SCAPER: variants seen among roughly 807,000 people sequenced by gnomAD.
The protein encoded by SCAPER is S phase cyclin A-associated protein in the endoplasmic reticulum.
In SCAPER, 98 loss-of-function variants were observed where a neutral mutation model predicts 182.2. The ratio of observed to expected loss-of-function variants is 0.54; its 90% CI spans 0.46 to 0.64. The LOEUF (loss-of-function observed/expected upper bound fraction) is 0.64. Ranked by LOEUF, SCAPER falls within the 30% of genes least tolerant of loss-of-function variation. The pLI, the probability that SCAPER is intolerant of heterozygous loss-of-function variation, is 0.00. For synonymous variants in SCAPER, 605 were observed against 564.6 expected, an observed-to-expected ratio of 1.07 and a Z score of -1.01; for missense variants, 1,432 against 1,690.0, an observed-to-expected ratio of 0.85 and a Z score of 2.68.
chr15:76,865,939 C>G (rs1301358944), intron 2 of SCAPER, among the ~76,000 whole-genome samples: 1 of 152,136 alleles, frequency 6.6e-6, no homozygotes, highest in African/African-American at 2.4e-5. Flanking sequence ...TGATCACTGT[C>G]CAAACCCCAT....
chr15:76,795,081 T>C (rs981964834), intron 8 of SCAPER, among the ~76,000 whole-genome samples, 199 bp downstream of exon 8: 1 of 152,216 alleles, frequency 6.6e-6, no homozygotes, highest in Non-Finnish European at 1.5e-5. Flanking sequence ...AACCTGAAAC[T>C]AGAATGATCT....
intron 23 of SCAPER, among the ~76,000 whole-genome samples, chr15:76,512,194 T>C (rs927728039): frequency 2.0e-5 from 3 of 151,838 alleles, no homozygotes; most frequent in Admixed American, 6.6e-5. Flanking sequence ...GGCCCCATTA[T>C]ACATGGTTTT....
chr15:76,795,438 C>T lies in SCAPER; in HGVS notation c.614G>A (p.Gly205Asp), dbSNP rs2065257942. The change falls in exon 8 of 32, where the codon GGT becomes GAT. Residue 205 changes from glycine to aspartate, a missense_variant and splice_region_variant. Transcript: ENST00000563290. ...SNARRSLNFG[G>D]STGTVPAPRL... ...AGGAGCTGGCACTGTGCCAGTTGAACCTCTATGGAGAAAAATAAACACATT... is the reference window on the plus strand; with the variant it reads ...AGGAGCTGGCACTGTGCCAGTTGAATCTCTATGGAGAAAAATAAACACATT... 1.3e-6 allele frequency: 2 copies of T among 1,564,440 alleles called. No individual in the cohort carries two copies. The highest frequency in any genetic ancestry group is 4.6e-5 in the East Asian group (2 of 43,796).
chr15:76,735,100 C>T (rs556137750), intron 15 of SCAPER, among the ~76,000 whole-genome samples: 230 of 151,996 alleles, frequency 1.5e-3, no homozygotes, highest in Middle Eastern at 3.4e-3. Context: ...AATCCCAGCA[C>T]GTTAGGAGGG....
At chr15:76,728,533 T>G (rs1355640876) in intron 17 of SCAPER, 62 bp downstream of exon 17, 1 of 1,605,022 alleles carries the variant, frequency 6.2e-7, no homozygotes, top group East Asian at 2.2e-5. Context: ...TAAATGGCTT[T>G]AAGACCTCAA....
intron 23 of SCAPER, among the ~76,000 whole-genome samples, chr15:76,529,437 T>C (rs961217395): frequency 1.3e-5 from 2 of 152,220 alleles, no homozygotes; most frequent in Non-Finnish European, 2.9e-5. Flanking sequence ...ATATTCTAGT[T>C]GGGGAAGAAA....
At chr15:76,361,994 A>C (rs892656941) in intron 29 of SCAPER, among the ~76,000 whole-genome samples, 74 of 150,444 alleles carry the variant, frequency 4.9e-4, no homozygotes, top group Non-Finnish European at 1.5e-4. Context: ...TTTTTTTTAG[A>C]GGGAGTTTCA....
At chr15:76,828,759 G>A (rs2068215029) in intron 5 of SCAPER, among the ~76,000 whole-genome samples, 1 of 152,176 alleles carries the variant, frequency 6.6e-6, no homozygotes, top group Non-Finnish European at 1.5e-5. Context: ...CATAAATGCA[G>A]AAGTGAACTC....
chr15:76,417,690 C>G (rs2045746949), intron 26 of SCAPER, among the ~76,000 whole-genome samples: 1 of 152,120 alleles, frequency 6.6e-6, no homozygotes, highest in Non-Finnish European at 1.5e-5. Flanking sequence ...AAAATTTCTC[C>G]TTGAATACAT....
At chr15:76,522,161 T>C (rs1385390140) in intron 23 of SCAPER, among the ~76,000 whole-genome samples, 1 of 152,166 alleles carries the variant, frequency 6.6e-6, no homozygotes, top group Non-Finnish European at 1.5e-5. Context: ...CATGGGGAAT[T>C]CTATTCTGAA....
intron 23 of SCAPER, among the ~76,000 whole-genome samples, chr15:76,567,646 C>T (rs1286101917): frequency 2.6e-5 from 4 of 152,148 alleles, no homozygotes; most frequent in South Asian, 2.1e-4. Context: ...ACTATCTTCA[C>T]ATTTATTTTT....
chr15:76,794,187 A>G (rs1320295720), intron 8 of SCAPER, among the ~76,000 whole-genome samples: 1 of 152,238 alleles, frequency 6.6e-6, no homozygotes, highest in Non-Finnish European at 1.5e-5. Context: ...AATAAGAGTT[A>G]CCATAAGTAT....
intron 1 of SCAPER, among the ~76,000 whole-genome samples, chr15:76,901,271 T>C (rs1208816149): frequency 6.6e-6 from 1 of 152,214 alleles, no homozygotes. Flanking sequence ...ATAGACATTT[T>C]ATAATTCTAA....
rs567217000 is a variant in SCAPER at position 76,592,709 on chromosome 15, G to A, written c.2712-18425C>T. On this transcript the variant is annotated intron_variant, in intron 22 of 31. Coordinates refer to ENST00000563290, the MANE Select transcript of SCAPER (RefSeq NM_020843.4). Reference sequence around the variant, plus strand: ...GGTGAGGTGTTGCCTCACCTGGGACGCGCAAGGGTTTGGGGAACTCCCTCC... The same window carrying A: ...GGTGAGGTGTTGCCTCACCTGGGACACGCAAGGGTTTGGGGAACTCCCTCC... Among the ~76,000 whole-genome samples, 67 of 122,516 alleles carry A rather than the reference G, an allele frequency of 5.5e-4. 10 individuals carry two copies. The highest frequency in any genetic ancestry group is 1.7e-3 in the African/African-American group (67 of 40,046). The allele number at this position is 122,516 out of a possible 152,430, so 80.4% of individuals were successfully genotyped here.
At chr15:76,648,971 C>A (rs1045047165) in intron 21 of SCAPER, among the ~76,000 whole-genome samples, 2 of 152,194 alleles carry the variant, frequency 1.3e-5, no homozygotes, top group African/African-American at 2.4e-5. Context: ...ACTTTGCAAA[C>A]AGCACACCTG....
chr15:76,511,881 ATATATTT>A (rs1467320734), intron 23 of SCAPER, among the ~76,000 whole-genome samples: 14 of 82,086 alleles, frequency 1.7e-4, no homozygotes, highest in African/African-American at 6.8e-4. Flanking sequence ...GTATATATAT[ATATATTT>A]TTTTTTTTTT....
chr15:76,672,518 A>G (rs2057097192), intron 20 of SCAPER, among the ~76,000 whole-genome samples: 1 of 152,162 alleles, frequency 6.6e-6, no homozygotes, highest in South Asian at 2.1e-4. Context: ...TAAAAACTCA[A>G]TAATTAGGTC....
At chr15:76,790,231 A>G (rs1598747822) in intron 8 of SCAPER, among the ~76,000 whole-genome samples, 2 of 8,756 alleles carry the variant, frequency 2.3e-4, no homozygotes, top group Admixed American at 4.0e-3. Flanking sequence ...ACTCCATCTC[A>G]AAAAAAAAAA....
At chr15:76,837,019 C>G (rs1454634362) in intron 5 of SCAPER, among the ~76,000 whole-genome samples, 1 of 151,892 alleles carries the variant, frequency 6.6e-6, no homozygotes, top group Admixed American at 6.6e-5. Flanking sequence ...GCAACAAAAA[C>G]AAAAATAAAA....
Sources: gnomAD v4.1 joint callset for allele counts (sites outside exome capture counted in the v4.1 genomes callset) on GRCh38, gnomAD v4.1.1 for gene constraint, MANE v1.5 for transcripts, NCBI Gene and HGNC (gene_info 2026-07-23, HGNC 2026-07-21) for gene names.